TENM2: variants seen among roughly 807,000 people sequenced by gnomAD.
The protein encoded by TENM2 is teneurin-2.
A neutral mutation model predicts 245.2 loss-of-function variants in TENM2; 52 were observed. The ratio of observed to expected loss-of-function variants is 0.21; its 90% CI spans 0.17 to 0.27. The LOEUF is 0.27. TENM2 is among the 10% of genes least tolerant of loss of function. The pLI is 1.00. For missense variants in TENM2, 3,046 were observed against 3,666.8 expected (o/e 0.83, Z 4.37); for synonymous variants, 1,363 against 1,438.9 (o/e 0.95, Z 1.19).
chr5:167,518,838 G>A (rs1562021696), intron 2 of TENM2, among the ~76,000 whole-genome samples: 1 of 152,220 alleles, frequency 6.6e-6, no homozygotes, highest in East Asian at 1.9e-4. Flanking sequence ...GGGGCCAGTG[G>A]CAGGATCTTT....
chr5:167,824,063 C>G (rs1246217258), intron 2 of TENM2, among the ~76,000 whole-genome samples: 1 of 152,194 alleles, frequency 6.6e-6, no homozygotes, highest in Admixed American at 6.5e-5. Flanking sequence ...GAGGACCCAG[C>G]AAAGCTCAGC....
chr5:168,107,904 C>T (rs963905064), intron 9 of TENM2, among the ~76,000 whole-genome samples: 5 of 152,246 alleles, frequency 3.3e-5, no homozygotes, highest in Admixed American at 2.0e-4. Context: ...AACATCGCAG[C>T]AGTGGCCCCT....
chr5:167,397,591 T>G (rs1395261973), intron 2 of TENM2, among the ~76,000 whole-genome samples: 1 of 152,108 alleles, frequency 6.6e-6, no homozygotes, highest in Non-Finnish European at 1.5e-5. Flanking sequence ...AATAATGTGG[T>G]GAATTAACAA....
the TENM2 span, among the ~76,000 whole-genome samples, chr5:167,134,347 G>T: frequency 6.6e-6 from 1 of 152,156 alleles, no homozygotes; most frequent in African/African-American, 2.4e-5. Context: ...TTTATACAAT[G>T]AATTTTGATT....
At chr5:167,622,387 A>G (rs1191230493) in intron 2 of TENM2, among the ~76,000 whole-genome samples, 1 of 152,174 alleles carries the variant, frequency 6.6e-6, no homozygotes, top group African/African-American at 2.4e-5. Context: ...TTTTAAAAGA[A>G]GAAGCCTCAG....
chr5:167,947,937 G>C (rs1304988350), intron 3 of TENM2, among the ~76,000 whole-genome samples: 1 of 152,140 alleles, frequency 6.6e-6, no homozygotes, highest in Non-Finnish European at 1.5e-5. Flanking sequence ...TATGGCGCAA[G>C]ACAAGCCTGG....
chr5:168,204,707 G>C (rs977384398), intron 19 of TENM2, 86 bp downstream of exon 21: 1 of 1,522,322 alleles, frequency 6.6e-7, no homozygotes. Flanking sequence ...CTGCATTTGG[G>C]ATTCTCCAGA....
chr5:167,319,395 TAAC>T (rs1756582638), intron 1 of TENM2, among the ~76,000 whole-genome samples: 1 of 152,202 alleles, frequency 6.6e-6, no homozygotes, highest in East Asian at 1.9e-4. Flanking sequence ...TAAAGGCACT[TAAC>T]AAGTTGTCTC....
intron 2 of TENM2, among the ~76,000 whole-genome samples, chr5:167,757,208 A>C (rs997877040): frequency 6.6e-6 from 1 of 151,836 alleles, no homozygotes; most frequent in South Asian, 2.1e-4. Context: ...CATCAGCTAC[A>C]TTAGGTATTT....
intron 1 of TENM2, among the ~76,000 whole-genome samples, chr5:167,362,234 G>A (rs1278546070): frequency 1.3e-5 from 2 of 152,206 alleles, no homozygotes; most frequent in Non-Finnish European, 1.5e-5. Flanking sequence ...CACGCACTAG[G>A]AAGCTATGGT....
the TENM2 span, among the ~76,000 whole-genome samples, chr5:167,004,029 G>A: frequency 0.96 from 146,436 of 152,252 alleles, 70,491 homozygotes; most frequent in African/African-American, 0.99. Flanking sequence ...TTCATTTTTA[G>A]TATTAGCCTT....
At chr5:167,003,321 C>T in the TENM2 span, among the ~76,000 whole-genome samples, 8 of 152,114 alleles carry the variant, frequency 5.3e-5, no homozygotes, top group African/African-American at 1.4e-4. Context: ...CTCATTAAAA[C>T]GTCCCTACAA....
chr5:167,961,963 C>G (rs987146630), intron 4 of TENM2, among the ~76,000 whole-genome samples: 1 of 152,132 alleles, frequency 6.6e-6, no homozygotes, highest in African/African-American at 2.4e-5. Flanking sequence ...TAAGAACACA[C>G]GAAACACATA....
chr5:167,327,243 T>C (rs1448923113), intron 1 of TENM2, among the ~76,000 whole-genome samples: 2 of 152,230 alleles, frequency 1.3e-5, no homozygotes, highest in Non-Finnish European at 1.5e-5. Flanking sequence ...TTCTCATTGT[T>C]CAGTTCCCAC....
chr5:167,799,657 A>G (rs983874508), intron 2 of TENM2, among the ~76,000 whole-genome samples: 1 of 152,230 alleles, frequency 6.6e-6, no homozygotes, highest in Admixed American at 6.5e-5. Context: ...ATAGATGTTC[A>G]TGCAGCTCTC....
chr5:167,098,322 G>T, the TENM2 span, among the ~76,000 whole-genome samples: 2 of 152,110 alleles, frequency 1.3e-5, no homozygotes, highest in African/African-American at 4.8e-5. Context: ...TTCGTTTCTT[G>T]TTTCTAATTG....
At chr5:167,128,085 C>T in the TENM2 span, among the ~76,000 whole-genome samples, 1 of 152,184 alleles carries the variant, frequency 6.6e-6, no homozygotes, top group Non-Finnish European at 1.5e-5. Flanking sequence ...GGGCAAATTG[C>T]ATAGCCTTCC....
intron 7 of TENM2, among the ~76,000 whole-genome samples, chr5:168,081,249 G>A (rs558180979): frequency 1.5e-4 from 23 of 152,176 alleles, no homozygotes; most frequent in African/African-American, 5.3e-4. Context: ...GACTAGGATT[G>A]CAACCCCTGC....
the TENM2 span, among the ~76,000 whole-genome samples, chr5:167,064,816 A>T: frequency 6.6e-6 from 1 of 152,382 alleles, no homozygotes; most frequent in South Asian, 2.1e-4. Context: ...ACAAAAAATT[A>T]TCATGACATA....
Sources: gnomAD v4.1 joint callset for allele counts (sites outside exome capture counted in the v4.1 genomes callset) on GRCh38, gnomAD v4.1.1 for gene constraint, MANE v1.5 for transcripts, NCBI Gene and HGNC (gene_info 2026-07-23, HGNC 2026-07-21) for gene names.